Variants in CDH13 observed in about 807,000 individuals in gnomAD.
CDH13 encodes cadherin-13.
Under a neutral mutation model 63.8 loss-of-function variants are expected in CDH13, and 24 were observed. The ratio of observed to expected loss-of-function variants is 0.38; its 90% CI spans 0.27 to 0.53. CDH13 has a LOEUF of 0.53. Among genes scored for constraint, CDH13 ranks in the 20% least tolerant of loss-of-function variants. The probability of loss-of-function intolerance (pLI) is 0.85; values close to 1 mark genes in which losing one functional copy is unlikely to be tolerated. For missense variants in CDH13, 1,049 were observed against 903.1 expected (o/e 1.16, Z -2.07); for synonymous variants, 503 against 355.3 (o/e 1.42, Z -4.67).
intron 1 of CDH13, among the ~76,000 whole-genome samples, chr16:82,627,385 T>TGTGTGTG (rs1555525877): frequency 4.7e-5 from 7 of 147,730 alleles, no homozygotes; most frequent in South Asian, 4.4e-4. Context: ...TGTGTGTACG[T>TGTGTGTG]TCGTTAACGG....
At chr16:82,637,665 C>G (rs938750691) in intron 1 of CDH13, 1 of 151,440 alleles carries the variant, frequency 6.6e-6, no homozygotes, top group Non-Finnish European at 1.5e-5. Context: ...TCTCGATCTC[C>G]TGACCTCGTG....
chr16:82,855,125 A>G (rs1347147552), intron 1 of CDH13, among the ~76,000 whole-genome samples: 3 of 152,202 alleles, frequency 2.0e-5, no homozygotes, highest in Non-Finnish European at 4.4e-5. Context: ...TGTAAAGATA[A>G]AACTGTGCCT....
chr16:83,056,281 A>G (rs1010519771), intron 3 of CDH13, among the ~76,000 whole-genome samples: 1 of 152,206 alleles, frequency 6.6e-6, no homozygotes, highest in East Asian at 1.9e-4. Context: ...TTCTTGACCT[A>G]GAAATCCTAC....
intron 1 of CDH13, among the ~76,000 whole-genome samples, chr16:82,634,739 C>G (rs1477137224): frequency 6.6e-6 from 1 of 152,130 alleles, no homozygotes; most frequent in Non-Finnish European, 1.5e-5. Flanking sequence ...AAGTTACAGC[C>G]AAAGAGGCTT....
chr16:83,260,108 A>G (rs1363098023), intron 5 of CDH13, among the ~76,000 whole-genome samples: 2 of 139,870 alleles, frequency 1.4e-5, no homozygotes, highest in African/African-American at 5.9e-5. Context: ...ACACACACAC[A>G]CACACACACA....
At chr16:83,365,724 C>G (rs904011313) in intron 6 of CDH13, among the ~76,000 whole-genome samples, 1 of 152,180 alleles carries the variant, frequency 6.6e-6, no homozygotes, top group Non-Finnish European at 1.5e-5. Flanking sequence ...AAGAGAGATG[C>G]AGCAGCAGAG....
chr16:83,284,605 G>C (rs751177425), intron 5 of CDH13, among the ~76,000 whole-genome samples: 2 of 152,076 alleles, frequency 1.3e-5, no homozygotes, highest in Non-Finnish European at 2.9e-5. Flanking sequence ...CTGAGGCTGA[G>C]AACTTCTCTG....
intron 5 of CDH13, among the ~76,000 whole-genome samples, chr16:83,314,226 C>G (rs996850181): frequency 3.3e-5 from 5 of 152,210 alleles, no homozygotes; most frequent in Non-Finnish European, 5.9e-5. Context: ...AATATCTTCT[C>G]TCTTCTTCTT....
At chr16:82,876,846 G>C (rs1488262700) in intron 2 of CDH13, among the ~76,000 whole-genome samples, 1 of 152,164 alleles carries the variant, frequency 6.6e-6, no homozygotes, top group African/African-American at 2.4e-5. Flanking sequence ...TACTGAGTTT[G>C]GAGAGGTAGC....
intron 2 of CDH13, among the ~76,000 whole-genome samples, chr16:82,862,223 A>C (rs1396644327): frequency 3.3e-5 from 5 of 152,126 alleles, no homozygotes; most frequent in African/African-American, 1.2e-4. Context: ...TTGGACAGCA[A>C]CCCTGGTTAC....
chr16:83,449,071 C>T (rs933376192), intron 6 of CDH13, among the ~76,000 whole-genome samples: 3 of 152,186 alleles, frequency 2.0e-5, no homozygotes, highest in Non-Finnish European at 2.9e-5. Flanking sequence ...AGATCAAGGG[C>T]AATGTGTGTA....
intron 6 of CDH13, among the ~76,000 whole-genome samples, chr16:83,394,349 A>C (rs1354060359): frequency 5.3e-5 from 8 of 152,066 alleles, no homozygotes; most frequent in South Asian, 2.1e-4. Context: ...CTGGGAAAGC[A>C]ATATTTGAAC....
At chr16:82,781,432 C>A in intron 1 of CDH13, among the ~76,000 whole-genome samples, 1 of 152,100 alleles carries the variant, frequency 6.6e-6, no homozygotes, top group East Asian at 1.9e-4. Flanking sequence ...ACATTGGCAA[C>A]TTGATGGCTA....
chr16:83,649,202 T>C (rs773059835), intron 8 of CDH13, among the ~76,000 whole-genome samples: 17 of 152,268 alleles, frequency 1.1e-4, no homozygotes, highest in Non-Finnish European at 2.4e-4. Context: ...ATGTGGGTTC[T>C]ATAAAATGTG....
chr16:83,280,253 A>G (rs961272661), intron 5 of CDH13, among the ~76,000 whole-genome samples: 3 of 152,210 alleles, frequency 2.0e-5, no homozygotes, highest in African/African-American at 7.2e-5. Context: ...TTTGTCGACT[A>G]AATTTCTGTA....
chr16:82,746,038 C>T (rs1009191656), intron 1 of CDH13, among the ~76,000 whole-genome samples: 2 of 152,024 alleles, frequency 1.3e-5, no homozygotes, highest in Non-Finnish European at 2.9e-5. Context: ...TTAGTCATAA[C>T]GTTTTAAAAA....
chr16:83,755,895 T>C (rs186765058), intron 11 of CDH13, among the ~76,000 whole-genome samples: 1 of 152,030 alleles, frequency 6.6e-6, no homozygotes, highest in Admixed American at 6.5e-5. Context: ...ATGTATAAAG[T>C]AAAAAAGTAA....
At chr16:83,344,247 G>A (rs534638850) in intron 5 of CDH13, among the ~76,000 whole-genome samples, 2 of 152,088 alleles carry the variant, frequency 1.3e-5, no homozygotes, top group African/African-American at 2.4e-5. Flanking sequence ...TTTTTATGCT[G>A]CCTTCTTCAT....
At chr16:82,924,202 G>A (rs559430455) in intron 2 of CDH13, among the ~76,000 whole-genome samples, 6 of 152,282 alleles carry the variant, frequency 3.9e-5, no homozygotes, top group East Asian at 1.9e-4. Flanking sequence ...TGAGAAGCTC[G>A]AGGTTAGCAA....
Sources: allele counts gnomAD v4.1 joint callset (sites outside exome capture counted in the v4.1 genomes callset), GRCh38; gene constraint gnomAD v4.1.1; transcripts MANE v1.5; gene names NCBI Gene and HGNC (gene_info 2026-07-23, HGNC 2026-07-21).